FRMPD4: variants seen among roughly 807,000 people sequenced by gnomAD.
FRMPD4 encodes FERM and PDZ domain containing 4, also known as FERM and PDZ domain-containing protein 4.
Under a neutral mutation model 94.1 loss-of-function variants are expected in FRMPD4, and 22 were observed. That is an observed-to-expected ratio of 0.23 (90% CI 0.17 to 0.33). The LOEUF is 0.33. FRMPD4 is among the 10% of genes least tolerant of loss of function. FRMPD4 has a pLI of 1.00. For synonymous variants in FRMPD4, 631 were observed against 548.6 expected (o/e 1.15, Z -2.10); for missense variants, 1,111 against 1,339.9 (o/e 0.83, Z 2.67).
intron 2 of FRMPD4, among the ~76,000 whole-genome samples, chrX:12,586,584 G>T (rs2058930364): frequency 8.9e-6 from 1 of 112,367 alleles, no homozygotes; most frequent in African/African-American, 3.2e-5. Context: ...TCACTTGTTT[G>T]CTCACTGCTA....
At chrX:12,636,230 A>G in intron 4 of FRMPD4, among the ~76,000 whole-genome samples, 1 of 112,035 alleles carries the variant, frequency 8.9e-6, no homozygotes, top group Non-Finnish European at 1.9e-5. Flanking sequence ...GGATATTAAA[A>G]GACTCTTTTA....
intron 13 of FRMPD4, among the ~76,000 whole-genome samples, 173 bp downstream of exon 13, chrX:12,707,824 C>T (rs1460203824): frequency 8.9e-6 from 1 of 112,505 alleles, no homozygotes; most frequent in Admixed American, 9.4e-5. Context: ...CTCACTAAAT[C>T]GCTGTGTGAT....
In FRMPD4 at chrX:11,898,705, G is replaced by T. The variant is rs138553444; in HGVS notation, c.95+20687G>T. Among the ~76,000 whole-genome samples, 1,114 of 112,236 alleles carry T rather than the reference G, an allele frequency of 9.9e-3. 19 individuals are homozygous for T. The highest frequency in any genetic ancestry group is 0.035 in the African/African-American group (1,066 of 30,870). On this transcript the variant is annotated intron_variant, in intron 3 of 18. Coordinates refer to the FRMPD4 transcript ENST00000640291. ...TTAATTAAAAAAGAAAAAGATAATA[G>T]TAATTATCCAGATGAGAGAATATGG...
intron 3 of FRMPD4, among the ~76,000 whole-genome samples, chrX:11,964,483 A>C (rs1300443169): frequency 9.0e-6 from 1 of 110,871 alleles, no homozygotes; most frequent in East Asian, 2.8e-4. Context: ...ATAATGTTCT[A>C]CTAATGTTCT....
At chrX:12,179,663 C>T (rs1029296235) in intron 1 of FRMPD4, among the ~76,000 whole-genome samples, 2 of 111,464 alleles carry the variant, frequency 1.8e-5, no homozygotes, top group Admixed American at 9.5e-5. Context: ...GACACCAACG[C>T]GTGCAGAATG....
chrX:12,242,540 A>G (rs966807857), intron 1 of FRMPD4, among the ~76,000 whole-genome samples: 13 of 112,368 alleles, frequency 1.2e-4, no homozygotes, highest in Non-Finnish European at 2.3e-4. Flanking sequence ...AAAATTGCCA[A>G]ACTATTTAAC....
At chrX:11,876,088 A>G (rs1164937362) in intron 2 of FRMPD4, among the ~76,000 whole-genome samples, 1 of 108,094 alleles carries the variant, frequency 9.3e-6, no homozygotes, top group Non-Finnish European at 1.9e-5. Context: ...GTTAGCCAGG[A>G]TGGTCTCGTT....
chrX:11,842,019 G>T (rs1163652420), intron 1 of FRMPD4, among the ~76,000 whole-genome samples: 3 of 110,537 alleles, frequency 2.7e-5, no homozygotes, highest in African/African-American at 9.9e-5. Flanking sequence ...TTTCCCCATT[G>T]CTTGTTTTTC....
chrX:12,720,725 G>A lies in FRMPD4; in HGVS notation c.4156G>A (p.Asp1386Asn). Residue 1386 changes from aspartate (D) to asparagine (N), a missense_variant, in exon 17 of 17, where the codon GAT (aspartate) becomes AAT (asparagine). Around this residue, in one of 8 missense-constraint regions of FRMPD4, gnomAD observed 551 missense variants for 591.6 expected, o/e 0.93. Coordinates refer to ENST00000675598, the MANE Select transcript of FRMPD4 (RefSeq NM_001368397.1). ...AGAGGCTGTGAGCTGGCGGCCACCG[G>A]ATCTGAGAGGGGGGAGCCTCAGGAC... ...YGEAVSWRPP[D>N]LRGGSLRTPP... 1 of 1,070,104 alleles carries A rather than the reference G, an allele frequency of 9.3e-7. No individual in the cohort carries two copies. The highest frequency in any genetic ancestry group is 1.2e-6 in the Non-Finnish European group (1 of 830,034). 88.2% of individuals were successfully genotyped at this position (1,070,104 alleles called of 1,213,427 possible). A position where few individuals can be genotyped will look rare whatever the true frequency, so the allele number is the denominator to read the frequency against.
chrX:12,209,764 C>T (rs150362124), intron 1 of FRMPD4, among the ~76,000 whole-genome samples: 1 of 111,895 alleles, frequency 8.9e-6, no homozygotes, highest in Non-Finnish European at 1.9e-5. Context: ...TTCTTAATTC[C>T]AAGGATAAAA....
intron 1 of FRMPD4, among the ~76,000 whole-genome samples, chrX:12,405,710 A>G (rs973159280): frequency 2.7e-5 from 3 of 111,839 alleles, no homozygotes; most frequent in African/African-American, 6.5e-5. Flanking sequence ...TGGAATTAAT[A>G]TATTAGTGAC....
At chrX:12,292,210 G>A (rs1237742775) in intron 1 of FRMPD4, among the ~76,000 whole-genome samples, 1 of 111,725 alleles carries the variant, frequency 9.0e-6, no homozygotes, top group Non-Finnish European at 1.9e-5. Context: ...ACTTCGCTTT[G>A]GATTGGATAC....
rs537992262 is a variant in FRMPD4, at chrX:12,464,996, T to C, written c.42-33684T>C. Among the ~76,000 whole-genome samples the C allele has an allele frequency of 3.7e-4, 41 of 112,316 alleles. No homozygotes were observed. The South Asian group carries it at 5.2e-3, about 14-fold the overall frequency. On this transcript the variant is annotated intron_variant, in intron 1 of 16. Coordinates refer to ENST00000675598, the MANE Select transcript of FRMPD4 (RefSeq NM_001368397.1). ...ATTACAATTACCCAAAGTGAGACTT[T>C]AAGACCAATGATTTGTTTACCATAT...
intron 3 of FRMPD4, among the ~76,000 whole-genome samples, chrX:12,000,263 C>T (rs2054517823): frequency 9.0e-6 from 1 of 111,522 alleles, no homozygotes; most frequent in Non-Finnish European, 1.9e-5. Flanking sequence ...TTAATTTTGG[C>T]ATAGAGTAGA....
At chrX:11,823,872 G>A (rs1040470132) in intron 1 of FRMPD4, among the ~76,000 whole-genome samples, 2 of 111,655 alleles carry the variant, frequency 1.8e-5, no homozygotes, top group Non-Finnish European at 3.8e-5. Flanking sequence ...ACAGGTAATA[G>A]TTTGCTCATC....
chrX:12,184,707 C>T (rs902002440), intron 1 of FRMPD4, among the ~76,000 whole-genome samples: 4 of 111,636 alleles, frequency 3.6e-5, no homozygotes, highest in African/African-American at 1.3e-4. Context: ...CATCATGCTA[C>T]GTGAAATAAG....
chrX:12,499,267 G>T (rs745376282), intron 2 of FRMPD4, among the ~76,000 whole-genome samples: 15 of 112,040 alleles, frequency 1.3e-4, no homozygotes, highest in Admixed American at 9.5e-4. Context: ...TTGTTTTATT[G>T]TAAATTTCTC....
At position 12,495,841 on chromosome X, in the gene FRMPD4, T is replaced by C. The variant is rs142985677; in HGVS notation, c.42-2839T>C. Among the ~76,000 whole-genome samples, 433 of 112,304 alleles carry C rather than the reference T, an allele frequency of 3.9e-3. 3 individuals are homozygous for C. Among genetic ancestry groups the C allele is most frequent in the African/African-American group, 0.012 (357 of 30,963 alleles). On this transcript the variant is annotated intron_variant, in intron 1 of 16. Coordinates refer to ENST00000675598, the MANE Select transcript of FRMPD4 (RefSeq NM_001368397.1). Reference sequence around the variant, plus strand: ...AATGCCTAGGCCCTATCCCCAGATATTCGGGCTCAGTGGCTTGGCTTTGGT... The same window carrying C: ...AATGCCTAGGCCCTATCCCCAGATACTCGGGCTCAGTGGCTTGGCTTTGGT...
chrX:12,201,001 T>C (rs762987222), intron 1 of FRMPD4, among the ~76,000 whole-genome samples: 1 of 112,329 alleles, frequency 8.9e-6, no homozygotes, highest in African/African-American at 3.2e-5. Flanking sequence ...ATCTAACACT[T>C]ACAGAGTTGC....
Sources: allele counts gnomAD v4.1 joint callset (sites outside exome capture counted in the v4.1 genomes callset), GRCh38; gene constraint gnomAD v4.1.1; regional missense constraint gnomAD v4.1.1; transcripts MANE v1.5; gene names NCBI Gene and HGNC (gene_info 2026-07-23, HGNC 2026-07-21).